The following SMYD3 variants were observed in gnomAD, a reference collection of about 807,000 sequenced individuals.
The protein encoded by SMYD3 is histone-lysine N-methyltransferase SMYD3.
SMYD3 carries 36 observed loss-of-function variants against 57.7 expected under a neutral mutation model. The ratio of observed to expected loss-of-function variants is 0.62; its 90% CI spans 0.48 to 0.82. The LOEUF (loss-of-function observed/expected upper bound fraction) is 0.82. Ranked by LOEUF, SMYD3 falls within the 40% of genes least tolerant of loss-of-function variation. SMYD3 has a pLI of 0.00. For synonymous variants in SMYD3, 211 were observed against 195.0 expected, an observed-to-expected ratio of 1.08 and a Z score of -0.68; for missense variants, 515 against 538.8, an observed-to-expected ratio of 0.96 and a Z score of 0.44.
At chr1:246,474,519 C>A (rs1332063948) in intron 1 of SMYD3, among the ~76,000 whole-genome samples, 7 of 78,802 alleles carry the variant, frequency 8.9e-5, no homozygotes, top group East Asian at 7.4e-4. Context: ...ACTCCCCTCT[C>A]AAAAAAAAAA....
chr1:245,832,183 G>A (rs1020669207), intron 10 of SMYD3, among the ~76,000 whole-genome samples: 5 of 152,274 alleles, frequency 3.3e-5, no homozygotes, highest in East Asian at 1.9e-4. Context: ...CTCACCCTTC[G>A]GGGCTCGTTT....
At position 245,953,120 on chromosome 1, in the gene SMYD3, C is replaced by T. The variant is rs72768786; in HGVS notation, c.532-23183G>A. 7.5e-3 allele frequency: 5,298 copies of T among 707,846 alleles called. 29 individuals carry two copies. The highest frequency in any genetic ancestry group is 8.8e-3 in the Non-Finnish European group (4,963 of 563,056). The allele number at this position is 707,846 out of a possible 1,614,324, so 43.8% of individuals were successfully genotyped here. ...CATTCCAGAAAGTGATAAAAATAAA[C>T]ACCTTTGGGTAAAGTGTTATTTCCC... On this transcript the variant is annotated intron_variant, in intron 5 of 11. Transcript: ENST00000490107.
chr1:246,049,383 G>A (rs558801597), intron 5 of SMYD3, among the ~76,000 whole-genome samples: 2 of 152,076 alleles, frequency 1.3e-5, no homozygotes, highest in African/African-American at 4.8e-5. Flanking sequence ...TGCAAGCTCT[G>A]CCTCCCGGGT....
At position 246,318,649 on chromosome 1, in the gene SMYD3, T is replaced by C. The variant is rs563628715; in HGVS notation, c.531+8552A>G. ...AATGACAGTAACCTTTGCCATTTCA[T>C]AATGTCATACAGACATTTAAAAAAT... On this transcript the variant is annotated intron_variant, in intron 5 of 11. Coordinates refer to ENST00000490107, the MANE Select transcript of SMYD3 (RefSeq NM_001167740.2). Among the ~76,000 whole-genome samples, 7 of 152,372 alleles carry C rather than the reference T, an allele frequency of 4.6e-5. No homozygotes were observed. In the East Asian group the frequency reaches 1.3e-3, roughly 29 times the overall value.
chr1:246,296,743 T>C (rs181361550), intron 5 of SMYD3, among the ~76,000 whole-genome samples: 2 of 152,180 alleles, frequency 1.3e-5, no homozygotes. Flanking sequence ...TCAGACATTT[T>C]AAATTCTATG....
At chr1:246,019,775 A>T (rs950171226) in intron 5 of SMYD3, among the ~76,000 whole-genome samples, 2 of 152,150 alleles carry the variant, frequency 1.3e-5, no homozygotes, top group Non-Finnish European at 2.9e-5. Flanking sequence ...GTAAATATAT[A>T]CATACATATA....
intron 5 of SMYD3, among the ~76,000 whole-genome samples, chr1:246,070,035 A>G (rs2060415954): frequency 1.3e-5 from 2 of 152,080 alleles, no homozygotes; most frequent in African/African-American, 4.8e-5. Flanking sequence ...GTGTTCAGAG[A>G]GTGGATCCAT....
At chr1:246,391,113 C>T (rs559488556) in intron 1 of SMYD3, among the ~76,000 whole-genome samples, 31 of 150,986 alleles carry the variant, frequency 2.1e-4, no homozygotes, top group Non-Finnish European at 3.7e-4. Flanking sequence ...CAGCTGGGTG[C>T]GATGGCTCAT....
At chr1:246,063,642 C>T (rs112996385) in intron 5 of SMYD3, among the ~76,000 whole-genome samples, 1 of 149,402 alleles carries the variant, frequency 6.7e-6, no homozygotes, top group African/African-American at 2.5e-5. Flanking sequence ...TCTCTCCCTC[C>T]CTTTCTCTCT....
At chr1:246,357,043 C>T (rs1282647821) in intron 1 of SMYD3, among the ~76,000 whole-genome samples, 3 of 152,214 alleles carry the variant, frequency 2.0e-5, no homozygotes, top group Non-Finnish European at 2.9e-5. Context: ...CATCAGGTAG[C>T]CTATAAAAGA....
At chr1:246,363,993 G>A (rs1331312806) in intron 1 of SMYD3, among the ~76,000 whole-genome samples, 1 of 152,166 alleles carries the variant, frequency 6.6e-6, no homozygotes, top group African/African-American at 2.4e-5. Context: ...AGAAGTCAAT[G>A]TGGTGCTGGG....
At chr1:245,776,983 A>G (rs1415585245) in intron 10 of SMYD3, among the ~76,000 whole-genome samples, 3 of 152,224 alleles carry the variant, frequency 2.0e-5, no homozygotes, top group African/African-American at 7.2e-5. Context: ...AAAGCTGAAA[A>G]TATTTACTAC....
chr1:246,430,141 C>A (rs533471072), intron 1 of SMYD3, among the ~76,000 whole-genome samples: 2 of 149,676 alleles, frequency 1.3e-5, no homozygotes, highest in African/African-American at 4.9e-5. Flanking sequence ...AATAATCATA[C>A]GAGAAATGGT....
intron 8 of SMYD3, among the ~76,000 whole-genome samples, chr1:245,895,927 A>G (rs1454439267): frequency 3.3e-5 from 5 of 152,264 alleles, no homozygotes; most frequent in Non-Finnish European, 7.3e-5. Context: ...ATTACCAGAG[A>G]CAAAAATTAA....
At chr1:246,141,581 T>G (rs1314141591) in intron 5 of SMYD3, among the ~76,000 whole-genome samples, 1 of 152,168 alleles carries the variant, frequency 6.6e-6, no homozygotes, top group Non-Finnish European at 1.5e-5. Flanking sequence ...CTATTAAACA[T>G]GTACAGTGTG....
At chr1:246,007,079 A>C (rs371029860) in intron 5 of SMYD3, among the ~76,000 whole-genome samples, 2 of 152,264 alleles carry the variant, frequency 1.3e-5, no homozygotes, top group South Asian at 4.1e-4. Context: ...TGAGGACAGA[A>C]AGTGATCAAC....
chr1:245,764,681 G>C (rs2045994905), intron 10 of SMYD3, among the ~76,000 whole-genome samples: 1 of 151,666 alleles, frequency 6.6e-6, no homozygotes, highest in African/African-American at 2.4e-5. Flanking sequence ...TTTCTTATGA[G>C]CACGTGTGTA....
intron 1 of SMYD3, among the ~76,000 whole-genome samples, chr1:246,456,724 T>C (rs1024267897): frequency 6.6e-6 from 1 of 152,192 alleles, no homozygotes; most frequent in African/African-American, 2.4e-5. Context: ...GACCAGAAGG[T>C]GAGTGATAGC....
At chr1:246,177,405 CTAAA>C (rs1378114225) in intron 5 of SMYD3, among the ~76,000 whole-genome samples, 1 of 152,134 alleles carries the variant, frequency 6.6e-6, no homozygotes, top group Non-Finnish European at 1.5e-5. Context: ...CTTCAATTGT[CTAAA>C]TAAATTCTAG....
Sources: allele counts gnomAD v4.1 joint callset (sites outside exome capture counted in the v4.1 genomes callset), GRCh38; gene constraint gnomAD v4.1.1; transcripts MANE v1.5; gene names NCBI Gene and HGNC (gene_info 2026-07-23, HGNC 2026-07-21).